The following EPHA7 variants were observed in gnomAD, a reference collection of about 807,000 sequenced individuals.
EPHA7 encodes the protein ephrin type-A receptor 7.
Under a neutral mutation model 112.6 loss-of-function variants are expected in EPHA7, and 25 were observed. The ratio of observed to expected loss-of-function variants is 0.22; its 90% CI spans 0.16 to 0.31. The LOEUF (loss-of-function observed/expected upper bound fraction) is 0.31, where lower values mean the gene tolerates loss of function less well. Among genes scored for constraint, EPHA7 ranks in the 10% least tolerant of loss-of-function variants. EPHA7 has a pLI of 1.00. For synonymous variants in EPHA7, 437 were observed against 406.5 expected (o/e 1.07, Z -0.90); for missense variants, 962 against 1,212.6 (o/e 0.79, Z 3.07).
chr6:93,257,346 T>G, intron 12 of EPHA7, 116 bp downstream of exon 12: 1 of 675,230 alleles, frequency 1.5e-6, no homozygotes, highest in Non-Finnish European at 2.5e-6. Context: ...AAAGACAATC[T>G]TCTAACCTCT....
In EPHA7 at chr6:93,242,080, A is replaced by AT. The variant is rs1769712261; in HGVS notation, c.*1345dup. On this transcript the variant is annotated 3_prime_UTR_variant, in exon 17 of 17. Transcript: ENST00000369303. ...ATCACAATATGTATACATTCCTGCA[A>AT]TATCTATAAAGACACATTTAATTAT... 1 of 199,742 alleles carries AT rather than the reference A, an allele frequency of 5.0e-6. No individual in the cohort carries two copies. The highest frequency in any genetic ancestry group is 2.3e-5 in the African/African-American group (1 of 43,508). 12.4% of individuals were successfully genotyped at this position (199,742 alleles called of 1,614,324 possible).
At chr6:93,280,417 G>T (rs1182274936) in intron 5 of EPHA7, among the ~76,000 whole-genome samples, 1 of 152,128 alleles carries the variant, frequency 6.6e-6, no homozygotes, top group Non-Finnish European at 1.5e-5. Context: ...TTTCTGTCTA[G>T]TGGCCTCCAC....
chr6:93,398,523 A>G (rs548604317), intron 3 of EPHA7, among the ~76,000 whole-genome samples: 1 of 152,072 alleles, frequency 6.6e-6, no homozygotes, highest in Admixed American at 6.6e-5. Context: ...ATAGTGTAGA[A>G]TTTTCTCAAA....
chr6:93,385,584 C>T (rs781721599), intron 3 of EPHA7, among the ~76,000 whole-genome samples: 5 of 151,902 alleles, frequency 3.3e-5, no homozygotes, highest in Admixed American at 6.6e-5. Context: ...ACTTGCACCC[C>T]ACTTATTAAT....
chr6:93,272,274 A>G (rs1771260998), intron 6 of EPHA7, 24 bp downstream of exon 6: 12 of 1,610,424 alleles, frequency 7.5e-6, no homozygotes, highest in Non-Finnish European at 9.3e-6. Flanking sequence ...CACATTGTAC[A>G]TTTCAGTTGC....
chr6:93,388,524 T>G (rs1777743375), intron 3 of EPHA7, among the ~76,000 whole-genome samples: 1 of 152,132 alleles, frequency 6.6e-6, no homozygotes, highest in Non-Finnish European at 1.5e-5. Context: ...GGCAGGGTGC[T>G]ATGTGAAGGA....
At chr6:93,265,749 A>G (rs1481355613) in intron 7 of EPHA7, among the ~76,000 whole-genome samples, 1 of 151,748 alleles carries the variant, frequency 6.6e-6, no homozygotes, top group African/African-American at 2.4e-5. Context: ...AAGAGCTGCA[A>G]TCTTTAATTT....
At chr6:93,259,680 C>A (rs1337890054) in intron 9 of EPHA7, among the ~76,000 whole-genome samples, 1 of 151,904 alleles carries the variant, frequency 6.6e-6, no homozygotes, top group African/African-American at 2.4e-5. Context: ...ACATAGGATC[C>A]AGCTCATAGG....
chr6:93,310,969 A>G (rs1054586579), intron 5 of EPHA7, among the ~76,000 whole-genome samples: 1 of 149,948 alleles, frequency 6.7e-6, no homozygotes, highest in Non-Finnish European at 1.5e-5. Context: ...GTGATGCTGT[A>G]TTTTTTTTTG....
chr6:93,240,726 T>C lies in EPHA7; in HGVS notation c.*2700A>G, dbSNP rs1409750954. 9.4e-6 allele frequency: 2 copies of C among 213,408 alleles called. No homozygotes were observed. The highest frequency in any genetic ancestry group is 1.9e-5 in the Non-Finnish European group (2 of 105,812). 13.2% of individuals were successfully genotyped at this position (213,408 alleles called of 1,614,324 possible). ...TGACGTTCACTTTCTCTACTTTTCC[T>C]CCCCTGAGCACTAATTTATTTAAAA... On this transcript the variant is annotated 3_prime_UTR_variant, in exon 17 of 17. Coordinates refer to ENST00000369303, the MANE Select transcript of EPHA7 (RefSeq NM_004440.4).
chr6:93,320,023 A>G (rs1773989315), intron 5 of EPHA7, among the ~76,000 whole-genome samples: 1 of 152,028 alleles, frequency 6.6e-6, no homozygotes, highest in Non-Finnish European at 1.5e-5. Context: ...GATAAATTGG[A>G]TAAAATATTA....
chr6:93,247,622 G>C (rs78759733), intron 14 of EPHA7, among the ~76,000 whole-genome samples: 5,450 of 152,172 alleles, frequency 0.036, 334 homozygotes, highest in African/African-American at 0.12. Flanking sequence ...CGTGGGGGAA[G>C]GGTTACAGCA....
chr6:93,264,924 G>A (rs931651391), intron 7 of EPHA7, among the ~76,000 whole-genome samples: 2 of 151,476 alleles, frequency 1.3e-5, no homozygotes, highest in Admixed American at 6.6e-5. Context: ...ACAAAAGAAC[G>A]TATAAATGCC....
chr6:93,357,874 G>C (rs914408226), intron 4 of EPHA7, among the ~76,000 whole-genome samples: 1 of 151,848 alleles, frequency 6.6e-6, no homozygotes, highest in Non-Finnish European at 1.5e-5. Flanking sequence ...GGCTAGTCTC[G>C]AACTCCTGAC....
intron 5 of EPHA7, among the ~76,000 whole-genome samples, chr6:93,302,758 G>T (rs965528750): frequency 3.3e-5 from 5 of 152,132 alleles, no homozygotes; most frequent in African/African-American, 1.2e-4. Flanking sequence ...AAAGGAGAAG[G>T]CAGAGTTACT....
rs138000909 is a variant in EPHA7 at position 93,344,109 on chromosome 6, G to GTCTA, written c.1324+12604_1324+12607dup. On this transcript the variant is annotated intron_variant, in intron 5 of 16. Coordinates refer to ENST00000369303, the MANE Select transcript of EPHA7 (RefSeq NM_004440.4). ...TCTACTGGAGAAAGAAGAGATATATGTCTATCTATCTATCTATCATCTATC... is the reference window on the plus strand; with the variant it reads ...TCTACTGGAGAAAGAAGAGATATATGTCTATCTATCTATCTATCTATCATCTATC... Among the ~76,000 whole-genome samples, 51 of 147,848 alleles carry GTCTA rather than the reference G, an allele frequency of 3.4e-4. No individual in the cohort carries two copies. In the East Asian group the frequency reaches 4.5e-3, roughly 13 times the overall value.
rs1461530617 is a variant in EPHA7 at position 93,419,267 on chromosome 6, C to T, written c.75G>A (p.Gly25=). ...TACCTTCCTTCGCAGCCTGCGCCTC[C>T]CCTGTGTGTGCAAAGCGGAGCAGCC... The part of the protein sequence containing the change: ...YIWLLRFAHT[G]EAQAAKEVLL... Residue 25 remains glycine (G), a synonymous_variant, in exon 1 of 17, where the codon GGG becomes GGA. Coordinates refer to ENST00000369303, the MANE Select transcript of EPHA7 (RefSeq NM_004440.4). The T allele has an allele frequency of 6.2e-7, 1 of 1,613,864 alleles. No homozygotes were observed. Among genetic ancestry groups the T allele is most frequent in the Non-Finnish European group, 8.5e-7 (1 of 1,179,942 alleles).
chr6:93,281,850 G>C (rs1246306037), intron 5 of EPHA7, among the ~76,000 whole-genome samples: 1 of 151,742 alleles, frequency 6.6e-6, no homozygotes, highest in Non-Finnish European at 1.5e-5. Context: ...GTATTACACA[G>C]GTAAATTATA....
intron 3 of EPHA7, among the ~76,000 whole-genome samples, chr6:93,395,298 T>C (rs1313543235): frequency 6.6e-6 from 1 of 151,822 alleles, no homozygotes; most frequent in Non-Finnish European, 1.5e-5. Flanking sequence ...CTTCATTATG[T>C]TTTGAGTGTG....
Sources: allele counts gnomAD v4.1 joint callset (sites outside exome capture counted in the v4.1 genomes callset), GRCh38; gene constraint gnomAD v4.1.1; transcripts MANE v1.5; gene names NCBI Gene and HGNC (gene_info 2026-07-23, HGNC 2026-07-21).